Variants in ADD1 observed in about 807,000 individuals in gnomAD.
The protein encoded by ADD1 is alpha-adducin.
ADD1 carries 24 observed loss-of-function variants against 80.5 expected under a neutral mutation model. The ratio of observed to expected loss-of-function variants is 0.30; its 90% CI spans 0.22 to 0.42. The LOEUF is 0.42. Among genes scored for constraint, ADD1 ranks in the 10% least tolerant of loss-of-function variants. The pLI, the probability that ADD1 is intolerant of heterozygous loss-of-function variation, is 1.00. For synonymous variants in ADD1, 373 were observed against 393.8 expected, an observed-to-expected ratio of 0.95 and a Z score of 0.63; for missense variants, 948 against 1,019.0, an observed-to-expected ratio of 0.93 and a Z score of 0.95.
chr4:2,903,782 G>T (rs1736590851), intron 9 of ADD1, among the ~76,000 whole-genome samples: 1 of 152,194 alleles, frequency 6.6e-6, no homozygotes, highest in African/African-American at 2.4e-5. Flanking sequence ...CTTACCAAGT[G>T]TGGCCAGGAG....
intron 1 of ADD1, among the ~76,000 whole-genome samples, chr4:2,863,970 A>G (rs1022568030): frequency 6.6e-6 from 1 of 152,216 alleles, no homozygotes; most frequent in African/African-American, 2.4e-5. Flanking sequence ...AGTGGAGACC[A>G]TGTGGGGCAC....
intron 13 of ADD1, among the ~76,000 whole-genome samples, chr4:2,912,048 C>T (rs759757194): frequency 3.6e-4 from 55 of 152,310 alleles, no homozygotes; most frequent in Non-Finnish European, 4.9e-4. Context: ...TGGCCCTGCT[C>T]GTAGATGAAA....
At chr4:2,908,646 G>A in intron 12 of ADD1, 42 bp downstream of exon 12, 1 of 1,510,836 alleles carries the variant, frequency 6.6e-7, no homozygotes, top group South Asian at 1.1e-5. Flanking sequence ...GGTGGTGGCT[G>A]TGTGACCGCC....
At chr4:2,891,088 C>T (rs564245587) in intron 4 of ADD1, among the ~76,000 whole-genome samples, 1 of 151,196 alleles carries the variant, frequency 6.6e-6, no homozygotes, top group East Asian at 1.9e-4. Flanking sequence ...AGTTTGGGAC[C>T]AGCTTGGGCA....
chr4:2,891,572 A>G (rs1045271081), intron 4 of ADD1, among the ~76,000 whole-genome samples: 39 of 152,202 alleles, frequency 2.6e-4, no homozygotes, highest in Admixed American at 5.9e-4. Flanking sequence ...CTATCCATGT[A>G]AATGACCCCT....
intron 14 of ADD1, among the ~76,000 whole-genome samples, chr4:2,922,028 A>G (rs1297014031): frequency 6.6e-6 from 1 of 151,828 alleles, no homozygotes; most frequent in African/African-American, 2.4e-5. Flanking sequence ...CTAGTTGGCA[A>G]TTCCTCTAAT....
intron 1 of ADD1, among the ~76,000 whole-genome samples, chr4:2,856,998 C>T (rs766209518): frequency 2.6e-5 from 4 of 152,000 alleles, no homozygotes; most frequent in Non-Finnish European, 5.9e-5. Context: ...CTGCAACCTC[C>T]ACCTCCTGGG....
At chr4:2,911,953 C>A (rs1263152771) in intron 13 of ADD1, among the ~76,000 whole-genome samples, 1 of 152,230 alleles carries the variant, frequency 6.6e-6, no homozygotes, top group Non-Finnish European at 1.5e-5. Flanking sequence ...GCAGTAAGCT[C>A]ACCCCTTGGA....
intron 6 of ADD1, 50 bp from the exon 7 acceptor site, chr4:2,898,134 A>G: frequency 6.4e-7 from 1 of 1,569,460 alleles, no homozygotes; most frequent in South Asian, 1.2e-5. Context: ...ATCATCAGTC[A>G]TTGTGTAACC....
At chr4:2,916,958 CA>C (rs1346018660) in intron 14 of ADD1, among the ~76,000 whole-genome samples, 4 of 152,136 alleles carry the variant, frequency 2.6e-5, no homozygotes, top group African/African-American at 9.7e-5. Context: ...GAGTTGTTTC[CA>C]ACTCTTTCGT....
intron 14 of ADD1, among the ~76,000 whole-genome samples, chr4:2,920,164 A>C (rs1739760303): frequency 6.6e-6 from 1 of 152,238 alleles, no homozygotes; most frequent in Admixed American, 6.5e-5. Context: ...TGAGTTTCTT[A>C]ATCCTGAGTT....
At chr4:2,871,811 C>T (rs532553733) in intron 1 of ADD1, among the ~76,000 whole-genome samples, 41 of 152,312 alleles carry the variant, frequency 2.7e-4, no homozygotes, top group Admixed American at 4.6e-4. Flanking sequence ...TAATACTACA[C>T]CTAAAATGTA....
At chr4:2,897,541 C>CTTTT (rs34592055) in intron 6 of ADD1, among the ~76,000 whole-genome samples, 11 of 99,142 alleles carry the variant, frequency 1.1e-4, no homozygotes, top group Admixed American at 2.3e-4. Flanking sequence ...AAACCTCCTC[C>CTTTT]TTTTTTTTTT....
Position 2,898,371 on chromosome 4 carries a change from AG to A in ADD1, c.885+45del, listed in dbSNP as rs765696659. The A allele has an allele frequency of 3.1e-6, 5 of 1,614,138 alleles. No individual in the cohort carries two copies. The South Asian group carries it at 4.4e-5, about 14-fold the overall frequency. ...TGGTATTTAAATTACAGCAGAAAGAAGAATAAAGCAAAGGACCAGTCTTCCT... is the reference window on the plus strand; with the variant it reads ...TGGTATTTAAATTACAGCAGAAAGAAAATAAAGCAAAGGACCAGTCTTCCT... On this transcript the variant is annotated intron_variant, in intron 7 of 15. Coordinates refer to ENST00000683351, the MANE Select transcript of ADD1 (RefSeq NM_001354761.2).
chr4:2,861,182 T>C (rs936133157), intron 1 of ADD1, among the ~76,000 whole-genome samples: 1 of 152,028 alleles, frequency 6.6e-6, no homozygotes, highest in Non-Finnish European at 1.5e-5. Context: ...GAAGGGAGAC[T>C]AGTGTGTCTG....
At chr4:2,915,415 C>T (rs967711216) in intron 14 of ADD1, among the ~76,000 whole-genome samples, 18 of 152,116 alleles carry the variant, frequency 1.2e-4, no homozygotes, top group African/African-American at 3.4e-4. Context: ...CCGAGGCGGG[C>T]GGATCACGAG....
intron 1 of ADD1, among the ~76,000 whole-genome samples, chr4:2,869,608 A>G (rs999195321): frequency 2.0e-5 from 3 of 151,992 alleles, no homozygotes; most frequent in Admixed American, 2.0e-4. Context: ...AGTTCTTTCT[A>G]CCTCCCACTC....
intron 11 of ADD1, 71 bp downstream of exon 11, chr4:2,907,915 G>T (rs896994246): frequency 1.6e-6 from 2 of 1,287,476 alleles, no homozygotes; most frequent in Non-Finnish European, 1.1e-6. Flanking sequence ...GCTTTGGGGG[G>T]AGCGGGTGCT....
chr4:2,859,518 A>C (rs1235829088), intron 1 of ADD1, among the ~76,000 whole-genome samples: 2 of 152,248 alleles, frequency 1.3e-5, no homozygotes, highest in African/African-American at 4.8e-5. Flanking sequence ...AGCATATAAA[A>C]AAATTCATGC....
Sources: allele counts gnomAD v4.1 joint callset (sites outside exome capture counted in the v4.1 genomes callset), GRCh38; gene constraint gnomAD v4.1.1; transcripts MANE v1.5; gene names NCBI Gene and HGNC (gene_info 2026-07-23, HGNC 2026-07-21).